KIF6: variants seen among roughly 807,000 people sequenced by gnomAD.
KIF6 encodes kinesin family member 6, also known as kinesin-like protein KIF6.
A neutral mutation model predicts 112.7 loss-of-function variants in KIF6; 106 were observed. The ratio of observed to expected loss-of-function variants is 0.94; its 90% CI spans 0.80 to 1.11. KIF6 has a LOEUF of 1.11. Among genes scored for constraint, KIF6 ranks in the 50% least tolerant of loss-of-function variants. The pLI, the probability that KIF6 is intolerant of heterozygous loss-of-function variation, is 0.00. For missense variants in KIF6, 929 were observed against 964.0 expected (o/e 0.96, Z 0.48); for synonymous variants, 339 against 339.9 (o/e 1.00, Z 0.03).
intron 7 of KIF6, among the ~76,000 whole-genome samples, chr6:39,592,066 C>T (rs1240355871): frequency 2.6e-5 from 4 of 152,132 alleles, no homozygotes; most frequent in African/African-American, 9.7e-5. Flanking sequence ...GAGCTGAGAT[C>T]ATGCCACTGC....
chr6:39,629,829 C>G (rs1295880361), intron 5 of KIF6, among the ~76,000 whole-genome samples: 1 of 152,022 alleles, frequency 6.6e-6, no homozygotes, highest in African/African-American at 2.4e-5. Context: ...ATGGTACATT[C>G]TGGTCTATGA....
chr6:39,395,087 C>G (rs1768162464), intron 15 of KIF6, among the ~76,000 whole-genome samples: 1 of 152,178 alleles, frequency 6.6e-6, no homozygotes, highest in Admixed American at 6.5e-5. Flanking sequence ...GGGGAATGCT[C>G]TCATTTACAA....
At chr6:39,676,183 T>C (rs1787128356) in intron 3 of KIF6, among the ~76,000 whole-genome samples, 1 of 151,882 alleles carries the variant, frequency 6.6e-6, no homozygotes, top group African/African-American at 2.4e-5. Context: ...CACATTGAGA[T>C]GCATCATTGA....
chr6:39,625,255 T>A (rs142185162), intron 5 of KIF6, among the ~76,000 whole-genome samples: 1 of 152,314 alleles, frequency 6.6e-6, no homozygotes, highest in East Asian at 1.9e-4. Flanking sequence ...GTCTAAGACA[T>A]TTCTGATACT....
At chr6:39,406,031 A>AT (rs981897565) in intron 15 of KIF6, among the ~76,000 whole-genome samples, 17 of 150,692 alleles carry the variant, frequency 1.1e-4, no homozygotes, top group South Asian at 4.2e-4. Flanking sequence ...TTTCTTATTT[A>AT]TTTTTTTTTG....
intron 12 of KIF6, among the ~76,000 whole-genome samples, chr6:39,541,651 C>G (rs1325444915): frequency 6.6e-6 from 1 of 152,204 alleles, no homozygotes; most frequent in Non-Finnish European, 1.5e-5. Context: ...AAAGACGTCT[C>G]ACACATGCAT....
intron 3 of KIF6, among the ~76,000 whole-genome samples, chr6:39,641,481 C>T (rs2199174): frequency 0.075 from 10,976 of 146,264 alleles, 535 homozygotes; most frequent in South Asian, 0.19. Flanking sequence ...CATCACACAC[C>T]GGGGACTGTT....
intron 15 of KIF6, among the ~76,000 whole-genome samples, chr6:39,386,954 C>T (rs764351381): frequency 6.6e-6 from 1 of 152,112 alleles, no homozygotes; most frequent in Non-Finnish European, 1.5e-5. Context: ...TCTATACCTC[C>T]AAGGCTATAG....
intron 13 of KIF6, among the ~76,000 whole-genome samples, chr6:39,443,153 TAA>T (rs1346151887): frequency 1.0e-4 from 12 of 117,964 alleles, no homozygotes; most frequent in Admixed American, 3.0e-4. Flanking sequence ...ATAATAATAA[TAA>T]TAATAAATAA....
At position 39,437,827 on chromosome 6, in the gene KIF6, C is replaced by A. The variant is rs183080699; in HGVS notation, c.1646-6666G>T. Among the ~76,000 whole-genome samples, 51 of 152,250 alleles carry A rather than the reference C, an allele frequency of 3.3e-4. 2 individuals carry two copies. In the East Asian group the frequency reaches 9.6e-3, roughly 29 times the overall value. ...ATGTCATAGTGCAACACATTTGTCA[C>A]ATGTTTGTGGTGATGCTGGTGTAAA... On this transcript the variant is annotated intron_variant, in intron 13 of 22. Coordinates refer to ENST00000287152, the MANE Select transcript of KIF6 (RefSeq NM_145027.6).
At chr6:39,702,925 G>C (rs1373764725) in intron 3 of KIF6, among the ~76,000 whole-genome samples, 1 of 151,806 alleles carries the variant, frequency 6.6e-6, no homozygotes, top group Non-Finnish European at 1.5e-5. Flanking sequence ...CAGAGCATGG[G>C]AGTTGGATGC....
chr6:39,557,683 AG>A (rs953470719), intron 10 of KIF6, among the ~76,000 whole-genome samples: 2 of 152,054 alleles, frequency 1.3e-5, no homozygotes, highest in Admixed American at 1.3e-4. Flanking sequence ...TTTTGGACGG[AG>A]GGGTCCACAA....
At chr6:39,575,309 T>C (rs9471130) in intron 10 of KIF6, among the ~76,000 whole-genome samples, 42,029 of 150,770 alleles carry the variant, frequency 0.28, 6,012 homozygotes, top group Middle Eastern at 0.41. Context: ...CTCACTCTGT[T>C]GCCCAGGCCG....
In KIF6 at chr6:39,345,704, C is replaced by A. The variant is rs1459652961; in HGVS notation, c.2317G>T (p.Asp773Tyr). The A allele has an allele frequency of 6.2e-7, 1 of 1,613,036 alleles. No individual in the cohort carries two copies. The highest frequency in any genetic ancestry group is 2.2e-5 in the East Asian group (1 of 44,874). The stretch of plus-strand genomic sequence containing the variant: ...TAACAGGAGAAGACCACAGACCTGT[C>A]TTCCAGTGGGGTGCTGGTGCTGCTC... ...KQSSTSTPLE[D>Y]SIPKRPVSSI... is the part of the protein sequence containing the mutation. Residue 773 changes from aspartate (D) to tyrosine (Y), a missense_variant, in exon 21 of 23, where the codon GAC (aspartate) becomes TAC (tyrosine). By Grantham distance (160) the Asp-to-Tyr change is radical. This residue lies in a region of KIF6 where 241 missense variants were observed against 301.4 expected (regional missense o/e 0.80). Coordinates refer to ENST00000287152, the MANE Select transcript of KIF6 (RefSeq NM_145027.6).
chr6:39,721,667 T>C (rs1456015951), intron 1 of KIF6, among the ~76,000 whole-genome samples: 3 of 152,126 alleles, frequency 2.0e-5, no homozygotes, highest in Non-Finnish European at 4.4e-5. Flanking sequence ...GCCACCACTT[T>C]CAGAATTGAG....
intron 14 of KIF6, among the ~76,000 whole-genome samples, chr6:39,423,765 T>C (rs533221052): frequency 1.2e-4 from 18 of 152,156 alleles, no homozygotes; most frequent in Admixed American, 1.0e-3. Context: ...CATTAGCGCC[T>C]TCCCTCAATC....
chr6:39,346,085 T>TCTCTCTCTC (rs1212794740), intron 20 of KIF6, among the ~76,000 whole-genome samples: 309 of 21,586 alleles, frequency 0.014, 57 homozygotes, highest in Non-Finnish European at 0.019. Context: ...TCTCTCTCTC[T>TCTCTCTCTC]CCCCCCCCTC....
In KIF6 at chr6:39,487,391, G is replaced by T. The variant is rs116498404; in HGVS notation, c.1645+52612C>A. ...CATCCAAAGTCAGATTCCCTCCCCA[G>T]GGGCATCCAGCACCCAAAGACTGGT... On this transcript the variant is annotated intron_variant, in intron 13 of 22. Coordinates refer to ENST00000287152, the MANE Select transcript of KIF6 (RefSeq NM_145027.6). Among the ~76,000 whole-genome samples, 1,428 of 152,252 alleles carry T rather than the reference G, an allele frequency of 9.4e-3. 14 individuals carry two copies. Among genetic ancestry groups the T allele is most frequent in the Middle Eastern group, 0.041 (12 of 294 alleles).
intron 13 of KIF6, among the ~76,000 whole-genome samples, chr6:39,445,086 G>A (rs1255430222): frequency 1.3e-5 from 2 of 152,182 alleles, no homozygotes; most frequent in African/African-American, 4.8e-5. Context: ...AGAGAACTCT[G>A]TTAGGTTCAA....
Sources: gnomAD v4.1 joint callset for allele counts (sites outside exome capture counted in the v4.1 genomes callset) on GRCh38, gnomAD v4.1.1 for gene constraint, gnomAD v4.1.1 regional missense constraint, MANE v1.5 for transcripts, NCBI Gene and HGNC (gene_info 2026-07-23, HGNC 2026-07-21) for gene names.